CCDC178: variants seen among roughly 807,000 people sequenced by gnomAD.
CCDC178 encodes coiled-coil domain-containing protein 178.
In CCDC178, 126 loss-of-function variants were observed where a neutral mutation model predicts 117.4. The ratio of observed to expected loss-of-function variants is 1.07; its 90% CI spans 0.93 to 1.24. The LOEUF is 1.24. CCDC178 is among the 50% of genes most tolerant of loss of function. CCDC178 has a pLI of 0.00. For missense variants in CCDC178, 1,030 were observed against 986.9 expected (o/e 1.04, Z -0.59); for synonymous variants, 283 against 313.4 (o/e 0.90, Z 1.02).
chr18:33,064,944 T>C (rs2056985729), intron 21 of CCDC178, among the ~76,000 whole-genome samples: 1 of 151,584 alleles, frequency 6.6e-6, no homozygotes, highest in African/African-American at 2.4e-5. Context: ...ACGACATGGA[T>C]TGAACTGGAG....
intron 7 of CCDC178, among the ~76,000 whole-genome samples, chr18:33,353,631 T>C (rs2063009784): frequency 6.6e-6 from 1 of 152,084 alleles, no homozygotes; most frequent in Non-Finnish European, 1.5e-5. Context: ...TTAAAATCAA[T>C]GTAGCTTCAA....
intron 20 of CCDC178, among the ~76,000 whole-genome samples, chr18:33,150,252 A>G (rs1385003427): frequency 2.6e-5 from 4 of 152,242 alleles, no homozygotes; most frequent in Non-Finnish European, 5.9e-5. Context: ...TGGATCAAAG[A>G]TTTAAATCTA....
At chr18:33,147,983 G>T (rs1052466282) in intron 20 of CCDC178, among the ~76,000 whole-genome samples, 2 of 149,620 alleles carry the variant, frequency 1.3e-5, no homozygotes, top group Non-Finnish European at 3.0e-5. Context: ...GGCGGCGGCC[G>T]GGCAGGGGCT....
intron 14 of CCDC178, among the ~76,000 whole-genome samples, chr18:33,251,948 G>T (rs183907728): frequency 1.3e-5 from 2 of 151,776 alleles, no homozygotes; most frequent in Admixed American, 1.3e-4. Context: ...TTAAATATGT[G>T]CTTATTTTGA....
At chr18:33,268,190 G>A (rs529205216) in intron 12 of CCDC178, among the ~76,000 whole-genome samples, 20 of 151,702 alleles carry the variant, frequency 1.3e-4, no homozygotes, top group African/African-American at 4.8e-4. Context: ...TACCCAAAAG[G>A]TATCTGAAAA....
chr18:33,076,340 A>G (rs904592913), intron 21 of CCDC178, among the ~76,000 whole-genome samples: 9 of 152,332 alleles, frequency 5.9e-5, no homozygotes, highest in East Asian at 1.9e-4. Context: ...TCTTAAGAAG[A>G]TCGGTCTTCA....
chr18:32,997,204 G>A (rs943144528), intron 21 of CCDC178, among the ~76,000 whole-genome samples: 3 of 152,118 alleles, frequency 2.0e-5, no homozygotes, highest in African/African-American at 4.8e-5. Flanking sequence ...AGGTATGATA[G>A]TTAATTTTGT....
intron 22 of CCDC178, 38 bp downstream of exon 22, chr18:32,974,509 A>G (rs776633813): frequency 5.0e-6 from 8 of 1,599,176 alleles, no homozygotes; most frequent in African/African-American, 1.3e-5. Flanking sequence ...TTCAATCTAG[A>G]TCAGAATGAT....
chr18:33,091,447 T>C (rs1487809026), intron 21 of CCDC178, among the ~76,000 whole-genome samples: 2 of 149,340 alleles, frequency 1.3e-5, no homozygotes, highest in African/African-American at 4.9e-5. Context: ...AGTCGTTCTT[T>C]TGCCTCAGCC....
intron 3 of CCDC178, among the ~76,000 whole-genome samples, chr18:33,409,407 T>A (rs2063821767): frequency 6.6e-6 from 1 of 152,092 alleles, no homozygotes; most frequent in Non-Finnish European, 1.5e-5. Flanking sequence ...TTTAGAATGG[T>A]GAGAGTTTCC....
At chr18:33,162,373 T>C (rs370901483) in intron 20 of CCDC178, among the ~76,000 whole-genome samples, 4 of 152,330 alleles carry the variant, frequency 2.6e-5, no homozygotes, top group African/African-American at 9.6e-5. Context: ...GTAATAACTA[T>C]CAATCTGAAC....
chr18:33,230,740 A>T (rs916914731), intron 15 of CCDC178, among the ~76,000 whole-genome samples: 4 of 152,156 alleles, frequency 2.6e-5, no homozygotes, highest in African/African-American at 9.7e-5. Context: ...TTTTCCTGAG[A>T]TGTGGAGAGA....
chr18:33,154,095 A>G (rs1195466811), intron 20 of CCDC178, among the ~76,000 whole-genome samples: 2 of 152,202 alleles, frequency 1.3e-5, no homozygotes, highest in African/African-American at 4.8e-5. Context: ...TCTGGTAATG[A>G]CATAGTAGCT....
Position 33,345,527 on chromosome 18 carries a change from A to G in CCDC178, c.658+684T>C, listed in dbSNP as rs2144675662. Among the ~76,000 whole-genome samples, 3 of 152,374 alleles carry G rather than the reference A, an allele frequency of 2.0e-5. 1 individual carries two copies. The highest frequency in any genetic ancestry group is 3.4e-3 in the Middle Eastern group (1 of 294). On this transcript the variant is annotated intron_variant, in intron 9 of 22. Coordinates refer to ENST00000383096, the MANE Select transcript of CCDC178 (RefSeq NM_001105528.4). ...CTATTAAATTCTCAAAAGCATACGC[A>G]TTTAGTGCCTAAAATATCACTTAAA...
At chr18:33,346,649 C>G (rs748197483) in intron 8 of CCDC178, among the ~76,000 whole-genome samples, 1 of 151,890 alleles carries the variant, frequency 6.6e-6, no homozygotes, top group Non-Finnish European at 1.5e-5. Flanking sequence ...TAAATCTCAA[C>G]CAATATTTTC....
intron 20 of CCDC178, among the ~76,000 whole-genome samples, 186 bp downstream of exon 20, chr18:33,211,710 G>A (rs1050953513): frequency 7.2e-5 from 11 of 151,790 alleles, no homozygotes; most frequent in African/African-American, 2.7e-4. Context: ...AGTACAATAT[G>A]CTCTATGAAT....
intron 11 of CCDC178, among the ~76,000 whole-genome samples, chr18:33,313,177 A>G (rs1191527365): frequency 3.9e-5 from 6 of 152,170 alleles, no homozygotes; most frequent in Non-Finnish European, 8.8e-5. Context: ...TCCATCTTAC[A>G]TGCACATAGG....
chr18:33,015,926 T>G (rs1486523792), intron 21 of CCDC178, among the ~76,000 whole-genome samples: 1 of 152,130 alleles, frequency 6.6e-6, no homozygotes, highest in Non-Finnish European at 1.5e-5. Context: ...AAACTTGAAA[T>G]AGGTCATTTG....
chr18:33,293,724 G>A (rs565491458), intron 11 of CCDC178, among the ~76,000 whole-genome samples: 4 of 152,106 alleles, frequency 2.6e-5, no homozygotes, highest in South Asian at 2.1e-4. Context: ...TTAACACACC[G>A]ATGAATCAAT....
Sources: gnomAD v4.1 joint callset for allele counts (sites outside exome capture counted in the v4.1 genomes callset) on GRCh38, gnomAD v4.1.1 for gene constraint, MANE v1.5 for transcripts, NCBI Gene and HGNC (gene_info 2026-07-23, HGNC 2026-07-21) for gene names.